TBC1D16: variants seen among roughly 807,000 people sequenced by gnomAD.
The protein encoded by TBC1D16 is TBC1 domain family member 16.
Under a neutral mutation model 74.7 loss-of-function variants are expected in TBC1D16, and 58 were observed. That is an observed-to-expected ratio of 0.78 (90% CI 0.63 to 0.97). The LOEUF (loss-of-function observed/expected upper bound fraction) is 0.97. Among genes scored for constraint, TBC1D16 ranks in the 50% least tolerant of loss-of-function variants. TBC1D16 has a pLI of 0.00. For synonymous variants in TBC1D16, 493 were observed against 474.7 expected, an observed-to-expected ratio of 1.04 and a Z score of -0.50; for missense variants, 1,014 against 1,079.5, an observed-to-expected ratio of 0.94 and a Z score of 0.85.
intron 1 of TBC1D16, chr17:80,024,081 CGGCTTTT>C (rs2036392407): frequency 6.7e-6 from 1 of 150,130 alleles, no homozygotes. Context: ...TAAGCAGAAG[CGGCTTTT>C]GGCTTTCCGC....
rs1393513289 is a variant in TBC1D16, at chr17:80,019,100, G to A, written c.-62-5491C>T. On this transcript the variant is annotated intron_variant, in intron 1 of 11. Transcript: ENST00000310924. Reference sequence around the variant, plus strand: ...GTGATCGCTCCAGTTGCCAGAGCTGGCTGCACACAGCTCTCAGCTGCTTCC... The same window carrying A: ...GTGATCGCTCCAGTTGCCAGAGCTGACTGCACACAGCTCTCAGCTGCTTCC... Among the ~76,000 whole-genome samples, 3 of 150,186 alleles carry A rather than the reference G, an allele frequency of 2.0e-5. 1 individual carries two copies. The highest frequency in any genetic ancestry group is 2.0e-4 in the Admixed American group (3 of 15,246).
intron 1 of TBC1D16, among the ~76,000 whole-genome samples, chr17:80,029,730 G>A (rs556316191): frequency 5.9e-5 from 9 of 152,246 alleles, no homozygotes; most frequent in South Asian, 4.1e-4. Context: ...CATTCCACGC[G>A]TATGAGCTTC....
intron 1 of TBC1D16, among the ~76,000 whole-genome samples, chr17:80,034,040 G>C (rs78499079): frequency 6.6e-6 from 1 of 152,134 alleles, no homozygotes; most frequent in Non-Finnish European, 1.5e-5. Context: ...TTCTCTAAGC[G>C]TCAGTGTTCC....
Position 80,024,222 on chromosome 17 carries a change from C to T in TBC1D16, c.-62-10613G>A, listed in dbSNP as rs541971417. Among the ~76,000 whole-genome samples the T allele has an allele frequency of 6.7e-5, 10 of 149,632 alleles. 1 individual carries two copies. The highest frequency in any genetic ancestry group is 2.3e-4 in the African/African-American group (9 of 39,400). On this transcript the variant is annotated intron_variant, in intron 1 of 11. Coordinates refer to ENST00000310924, the MANE Select transcript of TBC1D16 (RefSeq NM_019020.4). Reference sequence around the variant, plus strand: ...GCGGGGCACGCCCCACGGACCCCAGCCCCTTGGAGATCCCAAACCCCATGC... The same window carrying T: ...GCGGGGCACGCCCCACGGACCCCAGTCCCTTGGAGATCCCAAACCCCATGC...
rs1205016378 is a variant in TBC1D16, at chr17:80,010,098, T to C, written c.779+62A>G. The stretch of plus-strand genomic sequence containing the variant: ...CATCACAGGTGACGCAGGTGAGTGC[T>C]TCCTGCCCAGGTCAGGCCTTGGGGG... On this transcript the variant is annotated intron_variant, in intron 3 of 11. Transcript: ENST00000310924. The surrounding 1 kb of genome is among the most constrained non-coding windows in gnomAD (Gnocchi z 8.8). 2.9e-6 allele frequency: 4 copies of C among 1,389,306 alleles called. No homozygotes were observed. Among genetic ancestry groups the C allele is most frequent in the Non-Finnish European group, 3.9e-6 (4 of 1,018,812 alleles). 86.1% of individuals were successfully genotyped at this position (1,389,306 alleles called of 1,614,324 possible).
chr17:80,028,785 A>G (rs2036675557), intron 1 of TBC1D16, among the ~76,000 whole-genome samples: 1 of 151,142 alleles, frequency 6.6e-6, no homozygotes, highest in South Asian at 2.1e-4. Context: ...TAACTTTTGT[A>G]TTTTTTTTAG....
At position 79,939,681 on chromosome 17, in the gene TBC1D16, A is replaced by G. The variant is rs1009388029; in HGVS notation, c.*1178T>C. 10 of 152,230 alleles carry G rather than the reference A, an allele frequency of 6.6e-5. No individual in the cohort carries two copies. Among genetic ancestry groups the G allele is most frequent in the African/African-American group, 2.4e-4 (10 of 41,442 alleles). The allele number at this position is 152,230 out of a possible 1,614,324, so 9.4% of individuals were successfully genotyped here. On this transcript the variant is annotated 3_prime_UTR_variant, in exon 12 of 12. Coordinates refer to ENST00000310924, the MANE Select transcript of TBC1D16 (RefSeq NM_019020.4). ...TTTCTGTCCATCTCTAAATCCCAGA[A>G]GGAGCAACTGATACACAATCTTTTG...
intron 3 of TBC1D16, among the ~76,000 whole-genome samples, chr17:79,966,673 A>G (rs138468342): frequency 6.6e-6 from 1 of 152,290 alleles, no homozygotes; most frequent in African/African-American, 2.4e-5. Context: ...ATCCTTAGAA[A>G]CTTATCAGTC....
At chr17:79,955,815 T>C (rs904883212) in intron 3 of TBC1D16, among the ~76,000 whole-genome samples, 1 of 152,184 alleles carries the variant, frequency 6.6e-6, no homozygotes, top group Admixed American at 6.5e-5. Flanking sequence ...ACACAAACAC[T>C]GGGTTCTCCC....
In TBC1D16 at chr17:79,944,421, C is replaced by T. The variant is rs574607560; in HGVS notation, c.1908+487G>A. 2.0e-4 allele frequency among the ~76,000 whole-genome samples: 31 copies of T among 152,138 alleles called. No homozygotes were observed. The highest frequency in any genetic ancestry group is 1.2e-3 in the Admixed American group (19 of 15,276). ...CTGAGAAGATGCTGGTGACGGTGGA[C>T]GGAGAGTGGAAGTCGGTATCACTGA... On this transcript the variant is annotated intron_variant, in intron 10 of 11. Coordinates refer to ENST00000310924, the MANE Select transcript of TBC1D16 (RefSeq NM_019020.4). This position sits in a 1 kb window ranked among gnomAD's most constrained non-coding sequence, Gnocchi z 7.7.
chr17:80,017,680 C>CAAA (rs57336950), intron 1 of TBC1D16, among the ~76,000 whole-genome samples: 16 of 84,816 alleles, frequency 1.9e-4, no homozygotes, highest in Non-Finnish European at 2.4e-4. Context: ...GACTCCATCT[C>CAAA]AAAAAAAAAA....
rs765965546 is a variant in TBC1D16 at position 79,947,815 on chromosome 17, A to G, written c.1558T>C (p.Tyr520His). 2 of 1,613,428 alleles carry G rather than the reference A, an allele frequency of 1.2e-6. No individual in the cohort carries two copies. The highest frequency in any genetic ancestry group is 2.2e-5 in the South Asian group (2 of 91,084). The change falls in exon 9 of 12, where the codon TAC becomes CAC. Residue 520 changes from tyrosine to histidine, a missense_variant. Coordinates refer to ENST00000310924, the MANE Select transcript of TBC1D16 (RefSeq NM_019020.4). ...VESMRRILLN[Y>H]AVYNPAVGYS... ...CCGACGGCAGGGTTGTACACGGCGT[A>G]GTTCAGCAGGATCCTCCTGGGAGGC...
rs910408066 is a variant in TBC1D16 at position 79,983,123 on chromosome 17, A to G, written c.779+27037T>C. 3.9e-5 allele frequency among the ~76,000 whole-genome samples: 6 copies of G among 152,212 alleles called. No homozygotes were observed. Among genetic ancestry groups the G allele is most frequent in the African/African-American group, 1.2e-4 (5 of 41,462 alleles). On this transcript the variant is annotated intron_variant, in intron 3 of 11. Coordinates refer to ENST00000310924, the MANE Select transcript of TBC1D16 (RefSeq NM_019020.4). The surrounding 1 kb of genome is among the most constrained non-coding windows in gnomAD (Gnocchi z 5.6). ...GCCGGGAACAGCTCCATGTCCATGG[A>G]AGGGGCATGGGCAAGTGAAATGCTA... is the stretch of plus-strand genomic sequence containing the variant.
intron 9 of TBC1D16, among the ~76,000 whole-genome samples, chr17:79,945,745 C>T (rs1394948414): frequency 6.6e-6 from 1 of 152,244 alleles, no homozygotes; most frequent in African/African-American, 2.4e-5. Flanking sequence ...TGGCGTTGGA[C>T]ACTGTAACTG....
Position 80,002,702 on chromosome 17 carries a change from G to A in TBC1D16, c.779+7458C>T, listed in dbSNP as rs4074021. Among the ~76,000 whole-genome samples, 414 of 152,340 alleles carry A rather than the reference G, an allele frequency of 2.7e-3. 3 individuals are homozygous for A. The highest frequency in any genetic ancestry group is 9.5e-3 in the African/African-American group (393 of 41,576). The stretch of plus-strand genomic sequence containing the variant: ...GTGCTGTCAGGCATGGAGGCCTCCC[G>A]CTGTGACCACCAAACTTCACATTCA... On this transcript the variant is annotated intron_variant, in intron 3 of 11. Transcript: ENST00000310924.
chr17:80,002,972 G>A (rs1232334020), intron 3 of TBC1D16, among the ~76,000 whole-genome samples: 2 of 152,186 alleles, frequency 1.3e-5, no homozygotes, highest in Non-Finnish European at 2.9e-5. Context: ...GTCCCAGCAG[G>A]GGTCACGGAG....
At position 79,936,909 on chromosome 17, in the gene TBC1D16, CGTGTGTGTGTGT is replaced by C. The variant is rs71959726; in HGVS notation, c.*3938_*3949del. ...GTGCATGCGTGCGTGTGTGCATGTG[CGTGTGTGTGTGT>C]GTGTGTGTGTGTGTGTGTGCGCATT... is the stretch of plus-strand genomic sequence containing the variant. On this transcript the variant is annotated 3_prime_UTR_variant, in exon 12 of 12. Coordinates refer to ENST00000310924, the MANE Select transcript of TBC1D16 (RefSeq NM_019020.4). 4.8e-4 allele frequency: 59 copies of C among 122,318 alleles called. No individual in the cohort carries two copies. Among genetic ancestry groups the C allele is most frequent in the East Asian group, 1.8e-3 (7 of 3,838 alleles). 7.6% of individuals were successfully genotyped at this position (122,318 alleles called of 1,614,324 possible). A position where few individuals can be genotyped will look rare whatever the true frequency, so the allele number is the denominator to read the frequency against.
chr17:80,031,017 C>T (rs873436), intron 1 of TBC1D16, among the ~76,000 whole-genome samples: 18,415 of 152,250 alleles, frequency 0.12, 1,410 homozygotes, highest in East Asian at 0.26. Flanking sequence ...CGCTGCAGAA[C>T]GTCTGCTGCT....
At position 80,007,653 on chromosome 17, in the gene TBC1D16, G is replaced by A. The variant is rs532082115; in HGVS notation, c.779+2507C>T. 5.5e-4 allele frequency among the ~76,000 whole-genome samples: 84 copies of A among 152,232 alleles called. No individual in the cohort carries two copies. Among genetic ancestry groups the A allele is most frequent in the Middle Eastern group, 3.4e-3 (1 of 294 alleles). On this transcript the variant is annotated intron_variant, in intron 3 of 11. Transcript: ENST00000310924. The surrounding 1 kb of genome is among the most constrained non-coding windows in gnomAD (Gnocchi z 4.5). ...CCAAAAGCTGACATGAAGGTGCCTC[G>A]CCCCAGGAGCTGAGTCTCAAACATA...
Sources: gnomAD v4.1 joint callset for allele counts (sites outside exome capture counted in the v4.1 genomes callset) on GRCh38, gnomAD v4.1.1 for gene constraint, Gnocchi (gnomAD v3.1) non-coding constraint, MANE v1.5 for transcripts, NCBI Gene and HGNC (gene_info 2026-07-23, HGNC 2026-07-21) for gene names.